The following CTNNA3 variants were observed in gnomAD, a reference collection of about 807,000 sequenced individuals.
The protein encoded by CTNNA3 is catenin alpha-3.
Under a neutral mutation model 95.7 loss-of-function variants are expected in CTNNA3, and 76 were observed. That is an observed-to-expected ratio of 0.79 (90% CI 0.66 to 0.96). CTNNA3 has a LOEUF of 0.96. Ranked by LOEUF, CTNNA3 falls within the 40% of genes least tolerant of loss-of-function variation. CTNNA3 has a pLI of 0.00. For missense variants in CTNNA3, 1,191 were observed against 1,089.8 expected (o/e 1.09, Z -1.31); for synonymous variants, 431 against 374.4 (o/e 1.15, Z -1.74).
chr10:66,891,715 G>A (rs1845276176), intron 7 of CTNNA3, among the ~76,000 whole-genome samples: 1 of 152,190 alleles, frequency 6.6e-6, no homozygotes, highest in African/African-American at 2.4e-5. Flanking sequence ...GAGAGAATGA[G>A]AGAGACTTTT....
chr10:67,373,048 C>T (rs547052673), intron 5 of CTNNA3, among the ~76,000 whole-genome samples: 56 of 152,258 alleles, frequency 3.7e-4, no homozygotes, highest in African/African-American at 1.3e-3. Flanking sequence ...ACCATCGAGG[C>T]TAGGAAGAAA....
chr10:67,632,953 C>CA (rs1433379230), intron 2 of CTNNA3, among the ~76,000 whole-genome samples: 2 of 152,206 alleles, frequency 1.3e-5, no homozygotes. Flanking sequence ...TCCAGCCAGC[C>CA]AATGGCAACA....
At chr10:67,191,726 C>A (rs1863128510) in intron 6 of CTNNA3, among the ~76,000 whole-genome samples, 1 of 151,830 alleles carries the variant, frequency 6.6e-6, no homozygotes, top group South Asian at 2.1e-4. Context: ...TAACAGTATT[C>A]TTCAAAGAAA....
At chr10:66,437,607 T>A (rs539423052) in intron 11 of CTNNA3, among the ~76,000 whole-genome samples, 7 of 152,224 alleles carry the variant, frequency 4.6e-5, no homozygotes, top group African/African-American at 1.7e-4. Context: ...AGGGGAATCT[T>A]TTATCAAGGT....
chr10:66,149,365 ATTTC>A (rs1242345639), intron 13 of CTNNA3, among the ~76,000 whole-genome samples: 1 of 150,930 alleles, frequency 6.6e-6, no homozygotes, highest in Non-Finnish European at 1.5e-5. Context: ...TAGATTATTA[ATTTC>A]TTTAAAAATT....
intron 14 of CTNNA3, among the ~76,000 whole-genome samples, chr10:66,100,498 G>C (rs959754840): frequency 6.6e-6 from 1 of 152,154 alleles, no homozygotes; most frequent in East Asian, 1.9e-4. Context: ...CGTGGTCAGG[G>C]ATCTATCTTG....
intron 13 of CTNNA3, among the ~76,000 whole-genome samples, chr10:66,244,065 G>T (rs1173010877): frequency 6.6e-6 from 1 of 152,198 alleles, no homozygotes; most frequent in African/African-American, 2.4e-5. Context: ...ACCACAAGCT[G>T]ACTAAAGAGC....
chr10:66,810,111 T>C (rs1048949904), intron 7 of CTNNA3, among the ~76,000 whole-genome samples: 11 of 152,214 alleles, frequency 7.2e-5, no homozygotes, highest in Non-Finnish European at 1.6e-4. Context: ...GTTTTTCATG[T>C]CTCTGTTTCT....
At chr10:66,715,390 C>T (rs1309656588) in intron 9 of CTNNA3, among the ~76,000 whole-genome samples, 1 of 151,970 alleles carries the variant, frequency 6.6e-6, no homozygotes, top group African/African-American at 2.4e-5. Flanking sequence ...GTTAATGCCC[C>T]CTCCTAGATG....
At chr10:67,243,445 T>C (rs1407716711) in intron 5 of CTNNA3, among the ~76,000 whole-genome samples, 1 of 152,192 alleles carries the variant, frequency 6.6e-6, no homozygotes, top group Non-Finnish European at 1.5e-5. Context: ...AAATATTTAG[T>C]AAGACAGAAC....
intron 10 of CTNNA3, among the ~76,000 whole-genome samples, chr10:66,606,911 AAAC>A (rs1844143467): frequency 6.6e-6 from 1 of 152,120 alleles, no homozygotes; most frequent in Non-Finnish European, 1.5e-5. Context: ...AGAAGAAAAG[AAAC>A]AAATCAATCC....
At chr10:66,936,402 T>C (rs1236299980) in intron 7 of CTNNA3, among the ~76,000 whole-genome samples, 2 of 152,222 alleles carry the variant, frequency 1.3e-5, no homozygotes, top group South Asian at 4.1e-4. Context: ...TGCCATCACA[T>C]TCTTAAATTT....
chr10:66,922,178 C>T (rs984920496), intron 7 of CTNNA3, among the ~76,000 whole-genome samples: 4 of 152,060 alleles, frequency 2.6e-5, no homozygotes, highest in Admixed American at 1.3e-4. Context: ...ATCATTAAGG[C>T]CCTGGATGCA....
intron 3 of CTNNA3, among the ~76,000 whole-genome samples, chr10:67,604,649 A>C (rs982565908): frequency 1.3e-5 from 2 of 152,180 alleles, no homozygotes; most frequent in Non-Finnish European, 2.9e-5. Flanking sequence ...CCAAACCCCC[A>C]TGACGCCAAT....
At chr10:65,966,460 CTAGTT>C in intron 17 of CTNNA3, 147 bp downstream of exon 17, 2 of 513,292 alleles carry the variant, frequency 3.9e-6, no homozygotes, top group Non-Finnish European at 6.4e-6. Flanking sequence ...AGATTTCTTG[CTAGTT>C]TAAATACATG....
At chr10:66,892,958 A>G (rs578208126) in intron 7 of CTNNA3, among the ~76,000 whole-genome samples, 1 of 152,220 alleles carries the variant, frequency 6.6e-6, no homozygotes, top group East Asian at 1.9e-4. Flanking sequence ...AATGAGCATA[A>G]TTATATGGCT....
intron 9 of CTNNA3, among the ~76,000 whole-genome samples, chr10:66,717,280 T>C (rs1020281990): frequency 1.3e-5 from 2 of 152,146 alleles, no homozygotes; most frequent in African/African-American, 4.8e-5. Context: ...AGGTAAATAA[T>C]TCCATCTTCT....
intron 12 of CTNNA3, among the ~76,000 whole-genome samples, chr10:66,348,734 A>G (rs900506446): frequency 2.0e-5 from 3 of 152,098 alleles, no homozygotes; most frequent in African/African-American, 7.2e-5. Flanking sequence ...TTACTCTACG[A>G]GTGTCCGCTT....
chr10:66,166,266 G>A (rs2085120668), intron 13 of CTNNA3, among the ~76,000 whole-genome samples: 1 of 151,932 alleles, frequency 6.6e-6, no homozygotes. Context: ...GAGATCAGGA[G>A]TTCAAGACCA....
Sources: gnomAD v4.1 joint callset for allele counts (sites outside exome capture counted in the v4.1 genomes callset) on GRCh38, gnomAD v4.1.1 for gene constraint, MANE v1.5 for transcripts, NCBI Gene and HGNC (gene_info 2026-07-23, HGNC 2026-07-21) for gene names.